The following PLEC variants were observed in gnomAD, a reference collection of about 807,000 sequenced individuals.
The protein encoded by PLEC is hemidesmosomal protein 1.
In PLEC, 216 loss-of-function variants were observed where a neutral mutation model predicts 392.8. The ratio of observed to expected loss-of-function variants is 0.55; its 90% CI spans 0.49 to 0.62. PLEC has a LOEUF of 0.62. Ranked by LOEUF, PLEC falls within the 20% of genes least tolerant of loss-of-function variation. PLEC has a pLI of 0.00. For missense variants in PLEC, 6,863 were observed against 6,563.4 expected (o/e 1.05, Z -1.58); for synonymous variants, 3,621 against 2,980.6 (o/e 1.21, Z -7.00).
rs1267110661 is a variant in PLEC, at chr8:143,917,788, G to A, written c.12033C>T (p.Val4011=). The part of the protein sequence containing the change: ...KDKLLSAERA[V]TGYKDPYSGK... Reference sequence around the variant, plus strand: ...CAGAGTAGGGGTCCTTGTACCCAGTGACGGCGCGCTCGGCCGACAGCAGCT... The same window carrying A: ...CAGAGTAGGGGTCCTTGTACCCAGTAACGGCGCGCTCGGCCGACAGCAGCT... Residue 4011 remains valine (V), a synonymous_variant, in exon 32 of 32, where the codon GTC becomes GTT. Transcript: ENST00000345136. 1 of 1,613,478 alleles carries A rather than the reference G, an allele frequency of 6.2e-7. No homozygotes were observed. Among genetic ancestry groups the A allele is most frequent in the Non-Finnish European group, 8.5e-7 (1 of 1,180,018 alleles).
At chr8:143,955,145 T>C (rs1049887416), upstream of PLEC, among the ~76,000 whole-genome samples, 3 of 152,058 alleles carry the variant, frequency 2.0e-5, no homozygotes, top group Non-Finnish European at 4.4e-5. Context: ...GAAACACCAG[T>C]TGCCAAACTT....
upstream of PLEC, among the ~76,000 whole-genome samples, chr8:143,953,194 C>G (rs1259257427): frequency 3.3e-5 from 5 of 151,122 alleles, no homozygotes; most frequent in African/African-American, 4.9e-5. Flanking sequence ...CTTCTCCCCC[C>G]ACTCCAGACC....
chr8:143,924,918 G>A lies in PLEC; in HGVS notation c.5011C>T (p.Arg1671Cys), dbSNP rs782189427. The change falls in exon 31 of 32, where the codon CGC (arginine) becomes TGC (cysteine). Residue 1671 changes from arginine to cysteine, a missense_variant. Physicochemically the swap from Arg to Cys is radical, Grantham distance 180. Coordinates refer to ENST00000345136, the MANE Select transcript of PLEC (RefSeq NM_201384.3). ...GCCTTGCCGCGCCGCCGCGCCTCGC[G>A]CTCCGCCTCCTCCTTCTGCTTCTCA... ...EAEKQKEEAEREARRRGKAEE... is the reference protein window; with the variant it reads ...EAEKQKEEAECEARRRGKAEE... 87 of 1,584,958 alleles carry A rather than the reference G, an allele frequency of 5.5e-5. 1 individual carries two copies. Among genetic ancestry groups the A allele is most frequent in the Admixed American group, 3.4e-4 (20 of 58,970 alleles).
chr8:143,962,205 C>G (rs1271950266), intron 1 of PLEC, among the ~76,000 whole-genome samples: 1 of 152,120 alleles, frequency 6.6e-6, no homozygotes, highest in Non-Finnish European at 1.5e-5. Flanking sequence ...CCTGGATGGG[C>G]CCTAGATCCA....
rs113670015 is a variant in PLEC, at chr8:143,969,916, G to C, written c.70+3487C>G. ...GGCAGGGGCCAGGGGTGGGAGGCCT[G>C]CATTGGTCTGGGGGAAAAGCGGGCC... On this transcript the variant is annotated intron_variant, in intron 1 of 31. Coordinates refer to the PLEC transcript ENST00000356346. This position sits in a 1 kb window ranked among gnomAD's most constrained non-coding sequence, Gnocchi z 5.1. Among the ~76,000 whole-genome samples, 2,620 of 152,022 alleles carry C rather than the reference G, an allele frequency of 0.017. 41 individuals are homozygous for C. The highest frequency in any genetic ancestry group is 0.028 in the Non-Finnish European group (1,912 of 67,906).
chr8:143,954,361 C>G (rs1832474363), upstream of PLEC, among the ~76,000 whole-genome samples: 1 of 152,212 alleles, frequency 6.6e-6, no homozygotes, highest in South Asian at 2.1e-4. This position sits in a 1 kb window ranked among gnomAD's most constrained non-coding sequence, Gnocchi z 4.6. Context: ...CTGCGCAGCC[C>G]TGGGTCAGGC....
chr8:143,929,761 G>T lies in PLEC; in HGVS notation c.2808C>A (p.Phe936Leu). 6.2e-7 allele frequency: 1 copy of T among 1,600,322 alleles called. No individual in the cohort carries two copies. ...LHSLELHYQA[F>L]LRDSQDAGGF... ...CGCCCGCGTCCTGGCTGTCCCGCAGGAAGGCCTGGTAGTGCAGCTCCAGGC... is the reference window on the plus strand; with the variant it reads ...CGCCCGCGTCCTGGCTGTCCCGCAGTAAGGCCTGGTAGTGCAGCTCCAGGC... Residue 936 changes from phenylalanine to leucine, a missense_variant, in exon 23 of 32, where the codon TTC becomes TTA. Phe to Leu is a conservative substitution (Grantham distance 22). Transcript: ENST00000345136.
chr8:143,917,042 G>C lies in PLEC; in HGVS notation c.12779C>G (p.Pro4260Arg). 1 of 1,610,344 alleles carries C rather than the reference G, an allele frequency of 6.2e-7. No homozygotes were observed. The highest frequency in any genetic ancestry group is 1.1e-5 in the South Asian group (1 of 91,064). ...VGSSSSYPIS[P>R]AVSRTQLASW... ...GGCCAGCTGGGTCCTGGAGACGGCG[G>C]GGCTGATGGGGTAGGAGGAGGAGGA... Residue 4260 changes from proline to arginine, a missense_variant, in exon 32 of 32, where the codon CCC becomes CGC. Coordinates refer to ENST00000345136, the MANE Select transcript of PLEC (RefSeq NM_201384.3).
chr8:143,935,376 G>GGGTGCACAGGCC, intron 6 of PLEC, 63 bp from the exon 7 acceptor site: 3 of 1,128,368 alleles, frequency 2.7e-6, no homozygotes, highest in Non-Finnish European at 3.9e-6. Flanking sequence ...CCACACAGGC[G>GGGTGCACAGGCC]GGTGCACAGG....
At chr8:143,949,748 C>T (rs575007128) in intron 1 of PLEC, among the ~76,000 whole-genome samples, 4 of 152,350 alleles carry the variant, frequency 2.6e-5, no homozygotes, top group South Asian at 4.1e-4. Context: ...TCAACCCCCG[C>T]GGCAAGGGAG....
Position 143,921,629 on chromosome 8 carries a change from TC to T in PLEC, c.8191del (p.Glu2731ArgfsTer18). ...CAGGAAGCCTGAGGCCGCCTGCGCC[TC>T]CAGCAGGATGAGGGCCGTGCCGGGA... The part of the protein sequence containing the change: ...LSPGTALILL[E>X]AQAASGFLLD... On this transcript the variant is annotated frameshift_variant, in exon 32 of 32. Coordinates refer to ENST00000345136, the MANE Select transcript of PLEC (RefSeq NM_201384.3). LOFTEE classifies it low-confidence loss of function (END_TRUNC). The T allele has an allele frequency of 6.2e-7, 1 of 1,612,952 alleles. No homozygotes were observed. Among genetic ancestry groups the T allele is most frequent in the Non-Finnish European group, 8.5e-7 (1 of 1,179,874 alleles).
At chr8:143,943,137 G>A (rs1830817315), upstream of PLEC, among the ~76,000 whole-genome samples, 1 of 152,166 alleles carries the variant, frequency 6.6e-6, no homozygotes, top group Non-Finnish European at 1.5e-5. Flanking sequence ...CGGGGATCCA[G>A]CAGAGGAGCT....
Position 143,918,291 on chromosome 8 carries a change from G to C in PLEC, c.11530C>G (p.Arg3844Gly), listed in dbSNP as rs782190295. 3.1e-6 allele frequency: 5 copies of C among 1,592,084 alleles called. No individual in the cohort carries two copies. The highest frequency in any genetic ancestry group is 1.7e-4 in the Middle Eastern group (1 of 5,914). Residue 3844 changes from arginine (R) to glycine (G), a missense_variant, in exon 32 of 32, where the codon CGC becomes GGC. By Grantham distance (125) the Arg-to-Gly change is moderately radical. Transcript: ENST00000345136. ...TCGGTGGACGGGTCCACGTAGCTGC[G>C]CACCTCGCTGGGCTCTGACAGCTGG... The part of the protein sequence containing the change: ...HDQLSEPSEV[R>G]SYVDPSTDER...
chr8:143,926,986 G>C lies in PLEC; in HGVS notation c.3936C>G (p.Val1312=), dbSNP rs1554706317. Residue 1312 remains valine, a synonymous_variant, in exon 29 of 32, where the codon GTC becomes GTG. Coordinates refer to ENST00000345136, the MANE Select transcript of PLEC (RefSeq NM_201384.3). ...KPKVQSGSES[V]IQEYVDLRTH... ...TTCGGCCCCACCCTACCTCCTGGAT[G>C]ACACTCTCTGATCCCGACTGGACCT... The C allele has an allele frequency of 3.1e-6, 5 of 1,612,824 alleles. No individual in the cohort carries two copies. The highest frequency in any genetic ancestry group is 4.2e-6 in the Non-Finnish European group (5 of 1,179,750).
Position 143,933,119 on chromosome 8 carries a change from A to AG in PLEC, c.1419-9dup. ...TCGTGCAGACGGTACACCCTGGGGC[A>AG]GCAGAGGACTCAGGTAGGTGTTGGC... On this transcript the variant is annotated splice_polypyrimidine_tract_variant and intron_variant, in intron 13 of 31. Coordinates refer to ENST00000345136, the MANE Select transcript of PLEC (RefSeq NM_201384.3). 1.3e-6 allele frequency: 2 copies of AG among 1,599,428 alleles called. No homozygotes were observed. Among genetic ancestry groups the AG allele is most frequent in the African/African-American group, 2.7e-5 (2 of 74,846 alleles).
chr8:143,942,973 G>C (rs937956873), upstream of PLEC, among the ~76,000 whole-genome samples: 1 of 152,204 alleles, frequency 6.6e-6, no homozygotes, highest in Non-Finnish European at 1.5e-5. Context: ...TGTGGGCTGA[G>C]GTGGGGAGGC....
intron 1 of PLEC, among the ~76,000 whole-genome samples, chr8:143,972,351 C>T (rs1554744569): frequency 6.6e-6 from 1 of 151,832 alleles, no homozygotes; most frequent in African/African-American, 2.4e-5. Context: ...GTCACACAGG[C>T]AAAGCGGCTG....
Position 143,934,685 on chromosome 8 carries a change from C to A in PLEC, c.991G>T (p.Ala331Ser), listed in dbSNP as rs782338088. 6.2e-7 allele frequency: 1 copy of A among 1,613,018 alleles called. No homozygotes were observed. Among genetic ancestry groups the A allele is most frequent in the Admixed American group, 1.7e-5 (1 of 60,032 alleles). Residue 331 changes from alanine to serine, a missense_variant, in exon 10 of 32, where the codon GCC (alanine) becomes TCC (serine). Physicochemically the swap from Ala to Ser is moderately conservative, Grantham distance 99. Transcript: ENST00000345136. ...FLKFKEMELP[A>S]KEADKNRSKG... is the part of the protein sequence containing the mutation. Reference sequence around the variant, plus strand: ...GACCTGTTCTTGTCGGCCTCCTTGGCTGGTAGCTCCATCTCCTTAAACTTC... The same window carrying A: ...GACCTGTTCTTGTCGGCCTCCTTGGATGGTAGCTCCATCTCCTTAAACTTC...
In PLEC at chr8:143,935,301, G is replaced by A. The variant is rs199868457; in HGVS notation, c.615C>T (p.Ile205=). The A allele has an allele frequency of 2.9e-5, 46 of 1,604,026 alleles. No individual in the cohort carries two copies. The East Asian group carries it at 6.7e-4, about 23-fold the overall frequency. ...TCTGCCGGTACACCTTGTTCATGTC[G>A]ATGAGCAGGGGCCTGGGACAAGCAG... ...AIIHRHKPLL[I]DMNKVYRQTN... Residue 205 remains isoleucine (I), a synonymous_variant, in exon 7 of 32, where the codon ATC becomes ATT. Coordinates refer to ENST00000345136, the MANE Select transcript of PLEC (RefSeq NM_201384.3).
Sources: allele counts gnomAD v4.1 joint callset (sites outside exome capture counted in the v4.1 genomes callset), GRCh38; gene constraint gnomAD v4.1.1; non-coding constraint Gnocchi (gnomAD v3.1); transcripts MANE v1.5; gene names NCBI Gene and HGNC (gene_info 2026-07-23, HGNC 2026-07-21).